The following ARID4A variants were observed in gnomAD, a reference collection of about 807,000 sequenced individuals.
ARID4A encodes AT-rich interaction domain 4A, also known as AT-rich interactive domain-containing protein 4A.
ARID4A carries 39 observed loss-of-function variants against 148.6 expected under a neutral mutation model. The ratio of observed to expected loss-of-function variants is 0.26; its 90% CI spans 0.20 to 0.34. ARID4A has a LOEUF of 0.34. Ranked by LOEUF, ARID4A falls within the 10% of genes least tolerant of loss-of-function variation. The probability of loss-of-function intolerance (pLI) is 1.00; values close to 1 mark genes in which losing one functional copy is unlikely to be tolerated. For missense variants in ARID4A, 1,265 were observed against 1,449.1 expected, an observed-to-expected ratio of 0.87 and a Z score of 2.06; for synonymous variants, 475 against 481.2, an observed-to-expected ratio of 0.99 and a Z score of 0.17.
At chr14:58,310,314 A>G (rs1381134586) in intron 5 of ARID4A, among the ~76,000 whole-genome samples, 1 of 152,118 alleles carries the variant, frequency 6.6e-6, no homozygotes, top group Non-Finnish European at 1.5e-5. Context: ...TATTGAAGCT[A>G]AAGCAATCTT....
chr14:58,355,894 CTT>C (rs1221009599), intron 17 of ARID4A, among the ~76,000 whole-genome samples: 4 of 152,132 alleles, frequency 2.6e-5, no homozygotes, highest in Admixed American at 2.0e-4. Flanking sequence ...CTTTATGACT[CTT>C]CTCAGCAGTC....
intron 3 of ARID4A, 45 bp downstream of exon 3, chr14:58,301,735 A>C: frequency 6.8e-7 from 1 of 1,471,072 alleles, no homozygotes; most frequent in South Asian, 1.2e-5. Context: ...TCTAGATTGA[A>C]GAAATTTGGG....
chr14:58,353,937 A>G, intron 17 of ARID4A, 82 bp downstream of exon 17: 2 of 1,224,168 alleles, frequency 1.6e-6, no homozygotes, highest in Admixed American at 2.1e-5. Flanking sequence ...GAAGAGTGAA[A>G]GCAAATAATG....
At chr14:58,345,758 TCTTACTCTGTCACTCAA>T (rs2034334313) in intron 12 of ARID4A, among the ~76,000 whole-genome samples, 2 of 133,692 alleles carry the variant, frequency 1.5e-5, no homozygotes, top group African/African-American at 5.8e-5. Context: ...TGTGACAGAG[TCTTACTCTGTCACTCAA>T]GCTGGAGTGC....
intron 19 of ARID4A, among the ~76,000 whole-genome samples, chr14:58,363,671 G>T (rs1340018608): frequency 6.6e-6 from 1 of 151,922 alleles, no homozygotes; most frequent in Non-Finnish European, 1.5e-5. Context: ...ACTCTAGCCT[G>T]GGCAACCAAG....
chr14:58,359,870 T>C (rs1282086191), intron 18 of ARID4A, among the ~76,000 whole-genome samples: 1 of 152,072 alleles, frequency 6.6e-6, no homozygotes, highest in Admixed American at 6.5e-5. Flanking sequence ...ATCAAGACCA[T>C]CCTGGCTAAC....
chr14:58,335,070 G>A (rs2033741173), intron 11 of ARID4A, among the ~76,000 whole-genome samples: 1 of 152,124 alleles, frequency 6.6e-6, no homozygotes, highest in Non-Finnish European at 1.5e-5. Context: ...AAGGTCACCA[G>A]TGACTCCAAC....
intron 3 of ARID4A, among the ~76,000 whole-genome samples, chr14:58,303,216 T>C (rs1037971669): frequency 6.6e-6 from 1 of 152,236 alleles, no homozygotes; most frequent in Non-Finnish European, 1.5e-5. Flanking sequence ...AGTCATGTTT[T>C]GATACATATA....
chr14:58,354,261 G>C lies in ARID4A; in HGVS notation c.1853+406G>C, dbSNP rs375919762. 8.5e-5 allele frequency among the ~76,000 whole-genome samples: 13 copies of C among 152,264 alleles called. No homozygotes were observed. In the East Asian group the frequency reaches 2.1e-3, roughly 25 times the overall value. The stretch of plus-strand genomic sequence containing the variant: ...GGAGCCAGGCCTGCAACTTCCAACC[G>C]TGCAAGTGTTTGTTTCATTAATCAG... On this transcript the variant is annotated intron_variant, in intron 17 of 23. Transcript: ENST00000355431.
At position 58,351,238 on chromosome 14, in the gene ARID4A, A is replaced by C; in HGVS notation, c.1570A>C (p.Thr524Pro). Residue 524 changes from threonine (T) to proline (P), a missense_variant, in exon 16 of 24, where the codon ACA (threonine) becomes CCA (proline). Physicochemically the swap from Thr to Pro is conservative, Grantham distance 38 (BLOSUM62 -1). Transcript: ENST00000355431. ...TGAGCTACTACTGGGGAGAAAAAAT[A>C]CACCAAAGCAAAAAGAGAAGAAAAT... ...ENELLLGRKN[T>P]PKQKEKKIKK... 2 of 1,612,766 alleles carry C rather than the reference A, an allele frequency of 1.2e-6. No homozygotes were observed. The highest frequency in any genetic ancestry group is 1.7e-6 in the Non-Finnish European group (2 of 1,179,760).
chr14:58,349,980 G>A lies in ARID4A; in HGVS notation c.1405-1093G>A, dbSNP rs559898629. 1.3e-4 allele frequency among the ~76,000 whole-genome samples: 19 copies of A among 149,642 alleles called. No homozygotes were observed. The South Asian group carries it at 3.6e-3, about 28-fold the overall frequency. On this transcript the variant is annotated intron_variant, in intron 15 of 23. Transcript: ENST00000355431. ...AAAAATTAGCTGGGCATGGTGGTGC[G>A]CGCCTGTAGTCCCAGCTACTCAGGA... is the stretch of plus-strand genomic sequence containing the variant.
At position 58,366,239 on chromosome 14, in the gene ARID4A, CT is replaced by C; in HGVS notation, c.3523+11del. 1 of 1,601,672 alleles carries C rather than the reference CT, an allele frequency of 6.2e-7. No individual in the cohort carries two copies. Among genetic ancestry groups the C allele is most frequent in the Non-Finnish European group, 8.5e-7 (1 of 1,169,964 alleles). On this transcript the variant is annotated intron_variant, in intron 22 of 23. Coordinates refer to ENST00000355431, the MANE Select transcript of ARID4A (RefSeq NM_002892.4). ...ATGGAGCTTTCAGCTCAGTAAGAAG[CT>C]TATAGAAAACTTGATAGATGAATAC...
At chr14:58,354,182 T>C (rs1439970021) in intron 17 of ARID4A, among the ~76,000 whole-genome samples, 1 of 152,206 alleles carries the variant, frequency 6.6e-6, no homozygotes, top group Non-Finnish European at 1.5e-5. Context: ...GGCACCATCT[T>C]TGGGAAAACA....
chr14:58,327,054 A>C (rs1217843126), intron 8 of ARID4A, among the ~76,000 whole-genome samples: 1 of 152,220 alleles, frequency 6.6e-6, no homozygotes. Context: ...GACTGCCAAG[A>C]ATATTCAATT....
chr14:58,306,279 T>G (rs2031590747), intron 5 of ARID4A, among the ~76,000 whole-genome samples, 167 bp downstream of exon 5: 1 of 152,194 alleles, frequency 6.6e-6, no homozygotes, highest in South Asian at 2.1e-4. Context: ...GTAACAAAAA[T>G]AATTATCTCT....
intron 23 of ARID4A, among the ~76,000 whole-genome samples, chr14:58,368,573 A>T (rs2035458580): frequency 6.6e-6 from 1 of 152,164 alleles, no homozygotes; most frequent in Non-Finnish European, 1.5e-5. Flanking sequence ...AAAAAAACAG[A>T]TAATGTACCA....
chr14:58,341,846 T>C (rs1038688368), intron 11 of ARID4A, among the ~76,000 whole-genome samples: 5 of 152,336 alleles, frequency 3.3e-5, no homozygotes, highest in Non-Finnish European at 7.3e-5. Flanking sequence ...ACTGGGTGCA[T>C]AGTTATTCTT....
At chr14:58,305,790 T>C (rs2031553134) in intron 4 of ARID4A, among the ~76,000 whole-genome samples, 1 of 152,198 alleles carries the variant, frequency 6.6e-6, no homozygotes, top group Non-Finnish European at 1.5e-5. Flanking sequence ...ACGGCAATTT[T>C]CAGTGTGTAA....
In ARID4A at chr14:58,364,531, G is replaced by C. The variant is rs2035269802; in HGVS notation, c.2442G>C (p.Gln814His). The C allele has an allele frequency of 6.2e-7, 1 of 1,611,554 alleles. No homozygotes were observed. The highest frequency in any genetic ancestry group is 8.5e-7 in the Non-Finnish European group (1 of 1,179,558). The change falls in exon 20 of 24, where the codon CAG becomes CAC. Residue 814 changes from glutamine (Q) to histidine (H), a missense_variant. Transcript: ENST00000355431. ...TTATAAAGATTTCATCATTTGGCCAGAATGAAGCAGGAAGTGAACCTCATA... is the reference window on the plus strand; with the variant it reads ...TTATAAAGATTTCATCATTTGGCCACAATGAAGCAGGAAGTGAACCTCATA... ...LEIIKISSFG[Q>H]NEAGSEPHIE... is the part of the protein sequence containing the mutation.
Sources: allele counts gnomAD v4.1 joint callset (sites outside exome capture counted in the v4.1 genomes callset), GRCh38; gene constraint gnomAD v4.1.1; transcripts MANE v1.5; gene names NCBI Gene and HGNC (gene_info 2026-07-23, HGNC 2026-07-21).